FURIN: variants seen among roughly 807,000 people sequenced by gnomAD.
The protein encoded by FURIN is FES upstream region.
FURIN carries 18 observed loss-of-function variants against 89.2 expected under a neutral mutation model. That is an observed-to-expected ratio of 0.20 (90% confidence interval 0.14 to 0.30). The LOEUF (loss-of-function observed/expected upper bound fraction) is 0.30, where lower values mean the gene tolerates loss of function less well. Among genes scored for constraint, FURIN ranks in the 10% least tolerant of loss-of-function variants. FURIN has a pLI of 1.00. For synonymous variants in FURIN, 508 were observed against 466.4 expected (o/e 1.09, Z -1.15); for missense variants, 879 against 1,100.5 (o/e 0.80, Z 2.85).
At chr15:90,869,677 T>C (rs546981258) in intron 1 of FURIN, among the ~76,000 whole-genome samples, 14 of 152,312 alleles carry the variant, frequency 9.2e-5, no homozygotes, top group African/African-American at 3.4e-4. Context: ...CCACCGCCTC[T>C]GCCTGGGTGG....
At position 90,869,563 on chromosome 15, in the gene FURIN, TCCTC is replaced by T. The variant is rs145642574; in HGVS notation, c.-160+857_-160+860del. On this transcript the variant is annotated intron_variant, in intron 1 of 15. Transcript: ENST00000268171. ...CTCAACTGCCCAATCCTGTCCTCATTCCTCCCTCTCAGGGAGGCACCTCTGAGAA... is the reference window on the plus strand; with the variant it reads ...CTCAACTGCCCAATCCTGTCCTCATTCCTCTCAGGGAGGCACCTCTGAGAA... Among the ~76,000 whole-genome samples the T allele has an allele frequency of 1.2e-3, 187 of 152,230 alleles. 2 individuals carry two copies. In the East Asian group the frequency reaches 0.024, roughly 19 times the overall value.
At chr15:90,877,477 C>A in intron 6 of FURIN, 50 bp from the exon 7 acceptor site, 2 of 1,421,710 alleles carry the variant, frequency 1.4e-6, no homozygotes, top group Non-Finnish European at 1.9e-6. Flanking sequence ...ATCTGCCGGG[C>A]CCTGTTCACC....
At chr15:90,874,764 G>A (rs2031513068) in intron 1 of FURIN, among the ~76,000 whole-genome samples, 1 of 152,120 alleles carries the variant, frequency 6.6e-6, no homozygotes, top group African/African-American at 2.4e-5. Flanking sequence ...ACACAAAGAA[G>A]AAAATAACAA....
chr15:90,875,746 G>A lies in FURIN; in HGVS notation c.6G>A (p.Glu2=). 1 of 1,545,124 alleles carries A rather than the reference G, an allele frequency of 6.5e-7. No individual in the cohort carries two copies. Among genetic ancestry groups the A allele is most frequent in the South Asian group, 1.2e-5 (1 of 83,078 alleles). Residue 2 remains glutamate, a synonymous_variant, in exon 2 of 16, where the codon GAG becomes GAA. Coordinates refer to ENST00000268171, the MANE Select transcript of FURIN (RefSeq NM_002569.4). The part of the protein sequence containing the change: M[E]LRPWLLWVVA... ...CCCAGCCACCTGTCCCCCCCATGGA[G>A]CTGAGGCCCTGGTTGCTATGGGTGG...
rs1362897378 is a variant in FURIN, at chr15:90,883,141, C to G, written c.*1263C>G. ...TGGAGAAAGCACTGACCTGTCATGCCCCCCTCAAACCTCCTCTTCTGACGT... is the reference window on the plus strand; with the variant it reads ...TGGAGAAAGCACTGACCTGTCATGCGCCCCTCAAACCTCCTCTTCTGACGT... On this transcript the variant is annotated 3_prime_UTR_variant, in exon 16 of 16. Coordinates refer to ENST00000268171, the MANE Select transcript of FURIN (RefSeq NM_002569.4). 1 of 152,648 alleles carries G rather than the reference C, an allele frequency of 6.6e-6. No homozygotes were observed. Among genetic ancestry groups the G allele is most frequent in the African/African-American group, 2.4e-5 (1 of 41,406 alleles). The allele number at this position is 152,648 out of a possible 1,614,324, so 9.5% of individuals were successfully genotyped here. A position where few individuals can be genotyped will look rare whatever the true frequency, so the allele number is the denominator to read the frequency against.
At position 90,881,094 on chromosome 15, in the gene FURIN, G is replaced by A. The variant is rs935478928; in HGVS notation, c.1792+54G>A. 1.2e-5 allele frequency: 17 copies of A among 1,370,926 alleles called. No individual in the cohort carries two copies. In the Admixed American group the frequency reaches 2.9e-4, roughly 23 times the overall value. 84.9% of individuals were successfully genotyped at this position (1,370,926 alleles called of 1,614,324 possible). A position where few individuals can be genotyped will look rare whatever the true frequency, so the allele number is the denominator to read the frequency against. ...GGGCCTGAGTCTGGGGGTAAGGCGGGTGCCTGTCCTGAAGCCCAGCTCTAA... is the reference window on the plus strand; with the variant it reads ...GGGCCTGAGTCTGGGGGTAAGGCGGATGCCTGTCCTGAAGCCCAGCTCTAA... On this transcript the variant is annotated intron_variant, in intron 15 of 15. Transcript: ENST00000268171. The surrounding 1 kb of genome is among the most constrained non-coding windows in gnomAD (Gnocchi z 4.3).
At position 90,882,140 on chromosome 15, in the gene FURIN, G is replaced by A. The variant is rs578130022; in HGVS notation, c.*262G>A. ...TGAAACCTTTAGGGCAGCTTGCCCC[G>A]GCCCCGGCCCCAGCCAGAGTTCCTG... On this transcript the variant is annotated 3_prime_UTR_variant, in exon 16 of 16. Coordinates refer to ENST00000268171, the MANE Select transcript of FURIN (RefSeq NM_002569.4). 9 of 454,750 alleles carry A rather than the reference G, an allele frequency of 2.0e-5. No homozygotes were observed. The highest frequency in any genetic ancestry group is 7.9e-5 in the South Asian group (3 of 38,020). The allele number at this position is 454,750 out of a possible 1,614,324, so 28.2% of individuals were successfully genotyped here. A position where few individuals can be genotyped will look rare whatever the true frequency, so the allele number is the denominator to read the frequency against.
chr15:90,875,316 G>T (rs1327502506), intron 1 of FURIN, among the ~76,000 whole-genome samples: 1 of 152,144 alleles, frequency 6.6e-6, no homozygotes, highest in Non-Finnish European at 1.5e-5. Context: ...TGACAGAAGT[G>T]AGCCACCATG....
intron 12 of FURIN, 33 bp downstream of exon 12, chr15:90,880,017 G>T (rs577961899): frequency 3.5e-5 from 56 of 1,607,894 alleles, no homozygotes; most frequent in Non-Finnish European, 4.7e-5. Flanking sequence ...GAGGGGGCCA[G>T]TGGGACCTGA....
chr15:90,877,764 A>G (rs1437032314), intron 7 of FURIN, 149 bp downstream of exon 7: 1 of 639,016 alleles, frequency 1.6e-6, no homozygotes, highest in Non-Finnish European at 2.7e-6. Flanking sequence ...CAAAGGGTCA[A>G]AGACTGAAAG....
At chr15:90,871,971 C>T (rs2031331988) in intron 1 of FURIN, among the ~76,000 whole-genome samples, 1 of 151,344 alleles carries the variant, frequency 6.6e-6, no homozygotes, top group Non-Finnish European at 1.5e-5. Context: ...CCTCAGGAAG[C>T]GCCTGCGGGG....
chr15:90,869,079 C>G (rs1252682388), intron 1 of FURIN, among the ~76,000 whole-genome samples: 1 of 152,198 alleles, frequency 6.6e-6, no homozygotes, highest in Non-Finnish European at 1.5e-5. Flanking sequence ...AGGAGCCTCT[C>G]TGGATTAGCC....
In FURIN at chr15:90,877,186, C is replaced by G. The variant is rs763052854; in HGVS notation, c.553C>G (p.Arg185Gly). The change falls in exon 6 of 16, where the codon CGG becomes GGG. Residue 185 changes from arginine to glycine, a missense_variant. Coordinates refer to ENST00000268171, the MANE Select transcript of FURIN (RefSeq NM_002569.4). ...TGACCAGGACCCTGACCCCCAGCCT[C>G]GGTACACACAGATGAATGACAACAG... ...VNDQDPDPQP[R>G]YTQMNDNRHG... The G allele has an allele frequency of 6.2e-7, 1 of 1,611,066 alleles. No individual in the cohort carries two copies. Among genetic ancestry groups the G allele is most frequent in the South Asian group, 1.1e-5 (1 of 90,652 alleles).
chr15:90,872,126 G>A (rs1216294688), intron 1 of FURIN, among the ~76,000 whole-genome samples: 1 of 151,490 alleles, frequency 6.6e-6, no homozygotes, highest in Non-Finnish European at 1.5e-5. Context: ...GAGCGGCCGG[G>A]GGCGAGGCGG....
In FURIN at chr15:90,876,772, C is replaced by A; in HGVS notation, c.373-124C>A. 9.1e-7 allele frequency: 1 copy of A among 1,096,714 alleles called. No individual in the cohort carries two copies. Among genetic ancestry groups the A allele is most frequent in the Non-Finnish European group, 1.3e-6 (1 of 744,982 alleles). 67.9% of individuals were successfully genotyped at this position (1,096,714 alleles called of 1,614,324 possible). ...CCCATGGAGTCCAGACAGCCAGTGG[C>A]GGCCTTTCAGGAGCAGGGATGGTAC... On this transcript the variant is annotated intron_variant, in intron 4 of 15. Transcript: ENST00000268171. The surrounding 1 kb of genome is among the most constrained non-coding windows in gnomAD (Gnocchi z 5.0).
chr15:90,878,701 GTCC>G, intron 8 of FURIN, 60 bp from the exon 9 acceptor site: 1 of 974,814 alleles, frequency 1.0e-6, no homozygotes, highest in Non-Finnish European at 1.6e-6. Flanking sequence ...TTCCAGCAGT[GTCC>G]TCCTGCCAGC....
Position 90,881,523 on chromosome 15 carries a change from G to T in FURIN, c.2030G>T (p.Arg677Leu). ...SLDPVEQTCS[R>L]QSQSSRESPP... Reference sequence around the variant, plus strand: ...GACCCTGTGGAGCAGACTTGCTCCCGGCAAAGCCAGAGCAGCCGAGAGTCC... The same window carrying T: ...GACCCTGTGGAGCAGACTTGCTCCCTGCAAAGCCAGAGCAGCCGAGAGTCC... Residue 677 changes from arginine (R) to leucine (L), a missense_variant, in exon 16 of 16, where the codon CGG becomes CTG. By Grantham distance (102) the Arg-to-Leu change is moderately radical. Transcript: ENST00000268171. The surrounding 1 kb of genome is among the most constrained non-coding windows in gnomAD (Gnocchi z 4.3). The T allele has an allele frequency of 1.2e-6, 2 of 1,611,502 alleles. No homozygotes were observed. Among genetic ancestry groups the T allele is most frequent in the Non-Finnish European group, 1.7e-6 (2 of 1,179,618 alleles).
At chr15:90,870,485 A>C (rs1251651813) in intron 1 of FURIN, among the ~76,000 whole-genome samples, 4 of 151,414 alleles carry the variant, frequency 2.6e-5, no homozygotes, top group African/African-American at 9.7e-5. Context: ...TTTTTTTCCC[A>C]TTACCCGGGA....
intron 1 of FURIN, chr15:90,871,617 G>C (rs1467794942): frequency 1.3e-5 from 2 of 149,496 alleles, no homozygotes; most frequent in Non-Finnish European, 3.0e-5. Context: ...TAAGTAGCGA[G>C]GGCGCGGGGC....
Sources: gnomAD v4.1 joint callset for allele counts (sites outside exome capture counted in the v4.1 genomes callset) on GRCh38, gnomAD v4.1.1 for gene constraint, Gnocchi (gnomAD v3.1) non-coding constraint, MANE v1.5 for transcripts, NCBI Gene and HGNC (gene_info 2026-07-23, HGNC 2026-07-21) for gene names.